Variants in SBF2 observed in about 807,000 individuals in gnomAD.
SBF2 encodes SET binding factor 2, also known as myotubularin-related protein 13.
In SBF2, 112 loss-of-function variants were observed where a neutral mutation model predicts 225.2. The ratio of observed to expected loss-of-function variants is 0.50; its 90% CI spans 0.43 to 0.58. SBF2 has a LOEUF of 0.58. SBF2 is among the 20% of genes least tolerant of loss of function. SBF2 has a pLI of 0.00. For synonymous variants in SBF2, 763 were observed against 773.3 expected, an observed-to-expected ratio of 0.99 and a Z score of 0.22; for missense variants, 1,996 against 2,206.2, an observed-to-expected ratio of 0.90 and a Z score of 1.91.
intron 1 of SBF2, among the ~76,000 whole-genome samples, chr11:10,251,230 T>A (rs997776958): frequency 4.6e-5 from 7 of 152,162 alleles, no homozygotes; most frequent in African/African-American, 1.7e-4. Context: ...TTAACCCACA[T>A]CATGGGCCAG....
At chr11:10,034,910 C>T (rs1343557740) in intron 3 of SBF2, among the ~76,000 whole-genome samples, 1 of 152,150 alleles carries the variant, frequency 6.6e-6, no homozygotes, top group Non-Finnish European at 1.5e-5. Context: ...GTTGACATGT[C>T]TACATGATCA....
intron 2 of SBF2, among the ~76,000 whole-genome samples, chr11:10,119,992 T>C (rs181258726): frequency 6.6e-6 from 1 of 152,220 alleles, no homozygotes; most frequent in South Asian, 2.1e-4. Flanking sequence ...AATGTATAGT[T>C]CAGTAGTGTT....
chr11:9,844,674 A>C (rs2133966824), intron 24 of SBF2, among the ~76,000 whole-genome samples: 1 of 152,192 alleles, frequency 6.6e-6, no homozygotes, highest in East Asian at 1.9e-4. Flanking sequence ...GTGAATATAG[A>C]CTCTGGGTTA....
intron 2 of SBF2, among the ~76,000 whole-genome samples, chr11:10,148,714 G>C (rs528834771): frequency 3.8e-4 from 58 of 151,678 alleles, no homozygotes; most frequent in Admixed American, 2.2e-3. Flanking sequence ...ACATACCATG[G>C]GGAAACAGAG....
At chr11:9,796,341 T>C (rs555060553) in intron 32 of SBF2, among the ~76,000 whole-genome samples, 1 of 152,282 alleles carries the variant, frequency 6.6e-6, no homozygotes, top group African/African-American at 2.4e-5. Flanking sequence ...CCAAAGTCTC[T>C]ACCCCACTCA....
At chr11:10,118,416 C>G (rs1201839085) in intron 2 of SBF2, among the ~76,000 whole-genome samples, 1 of 152,094 alleles carries the variant, frequency 6.6e-6, no homozygotes, top group African/African-American at 2.4e-5. Flanking sequence ...TCAAATTCAC[C>G]AGGGTATTAA....
rs923594468 is a variant in SBF2 at position 10,003,341 on chromosome 11, T to C, written c.620-652A>G. On this transcript the variant is annotated intron_variant, in intron 6 of 39. Coordinates refer to ENST00000256190, the MANE Select transcript of SBF2 (RefSeq NM_030962.4). ...ACTATATATAGAGATAAATGTGGTA[T>C]CTTATTTTATGCTTTTTCTTTTTCT... 5.3e-5 allele frequency among the ~76,000 whole-genome samples: 8 copies of C among 151,710 alleles called. 1 individual carries two copies. Among genetic ancestry groups the C allele is most frequent in the African/African-American group, 1.9e-4 (8 of 41,370 alleles).
chr11:9,944,500 AAC>A (rs1865454017), intron 16 of SBF2, among the ~76,000 whole-genome samples: 1 of 152,206 alleles, frequency 6.6e-6, no homozygotes, highest in Non-Finnish European at 1.5e-5. Flanking sequence ...GACTAGCAAA[AAC>A]ACACATTACT....
chr11:10,134,841 C>A (rs561507918), intron 2 of SBF2, among the ~76,000 whole-genome samples: 1 of 152,186 alleles, frequency 6.6e-6, no homozygotes, highest in African/African-American at 2.4e-5. Context: ...TCCAGGCACA[C>A]AGTGCAAGCT....
intron 16 of SBF2, among the ~76,000 whole-genome samples, chr11:9,945,575 A>G (rs912338785): frequency 4.6e-5 from 7 of 152,336 alleles, no homozygotes; most frequent in Middle Eastern, 6.8e-3. Context: ...AGCAGGTGCA[A>G]CAAAATAAAA....
intron 13 of SBF2, among the ~76,000 whole-genome samples, chr11:9,981,700 G>A (rs1315205766): frequency 2.9e-5 from 3 of 102,052 alleles, no homozygotes; most frequent in African/African-American, 9.8e-5. Context: ...AATTTAGATC[G>A]GTTGAGTTGT....
intron 2 of SBF2, among the ~76,000 whole-genome samples, chr11:10,066,350 A>C (rs377211809): frequency 6.7e-4 from 102 of 151,118 alleles, no homozygotes; most frequent in African/African-American, 1.8e-3. Flanking sequence ...ATATCTATAT[A>C]TATATATCTT....
chr11:10,075,152 A>T (rs1174635743), intron 2 of SBF2, among the ~76,000 whole-genome samples: 1 of 152,272 alleles, frequency 6.6e-6, no homozygotes, highest in African/African-American at 2.4e-5. Context: ...GCCACCAGAC[A>T]GACAAGAATC....
chr11:10,060,617 A>T (rs914183012), intron 2 of SBF2, among the ~76,000 whole-genome samples: 2 of 152,306 alleles, frequency 1.3e-5, no homozygotes, highest in East Asian at 3.9e-4. Context: ...ATGAACATCA[A>T]TGCAAAAATC....
chr11:10,175,674 T>A (rs1401483388), intron 2 of SBF2, among the ~76,000 whole-genome samples: 1 of 150,512 alleles, frequency 6.6e-6, no homozygotes, highest in Non-Finnish European at 1.5e-5. Context: ...AACAGACATC[T>A]ACAGAACTCT....
At chr11:9,894,250 G>C (rs914385896) in intron 17 of SBF2, among the ~76,000 whole-genome samples, 1 of 152,212 alleles carries the variant, frequency 6.6e-6, no homozygotes, top group East Asian at 1.9e-4. Flanking sequence ...TGGACATGGT[G>C]GTTCACACCT....
chr11:9,833,330 T>G (rs1855513678), intron 26 of SBF2, among the ~76,000 whole-genome samples: 1 of 152,178 alleles, frequency 6.6e-6, no homozygotes, highest in Non-Finnish European at 1.5e-5. Flanking sequence ...TCAGAGTCAT[T>G]TCTTTTTTTT....
intron 16 of SBF2, chr11:9,959,925 A>G (rs1440577147): frequency 9.4e-6 from 3 of 320,490 alleles, no homozygotes; most frequent in Non-Finnish European, 1.8e-5. Context: ...CTTTTAAGAT[A>G]CTTAAATCTT....
chr11:9,813,806 G>C (rs1014973939), intron 29 of SBF2, among the ~76,000 whole-genome samples: 1 of 152,062 alleles, frequency 6.6e-6, no homozygotes, highest in Non-Finnish European at 1.5e-5. Flanking sequence ...GCCAGGCGTG[G>C]TGACAGGCAC....
Sources: allele counts gnomAD v4.1 joint callset (sites outside exome capture counted in the v4.1 genomes callset), GRCh38; gene constraint gnomAD v4.1.1; transcripts MANE v1.5; gene names NCBI Gene and HGNC (gene_info 2026-07-23, HGNC 2026-07-21).